The following PPP1R14C variants were observed in gnomAD, a reference collection of about 807,000 sequenced individuals.
The protein encoded by PPP1R14C is protein phosphatase 1 regulatory inhibitor subunit 14C, also known as protein phosphatase 1 regulatory subunit 14C.
Under a neutral mutation model 20.4 loss-of-function variants are expected in PPP1R14C, and 16 were observed. That is an observed-to-expected ratio of 0.78 (90% CI 0.53 to 1.19). The LOEUF is 1.19. Ranked by LOEUF, PPP1R14C falls within the 50% of genes most tolerant of loss-of-function variation. The probability of loss-of-function intolerance (pLI) is 0.00; values close to 1 mark genes in which losing one functional copy is unlikely to be tolerated. For synonymous variants in PPP1R14C, 91 were observed against 91.0 expected (o/e 1.00, Z 0.00); for missense variants, 211 against 220.1 (o/e 0.96, Z 0.26).
intron 1 of PPP1R14C, among the ~76,000 whole-genome samples, chr6:150,210,701 A>C (rs1778013660): frequency 6.6e-6 from 1 of 151,782 alleles, no homozygotes; most frequent in African/African-American, 2.4e-5. Flanking sequence ...ACATTAAAAA[A>C]CTCTATTTTC....
intron 1 of PPP1R14C, among the ~76,000 whole-genome samples, chr6:150,171,079 CGAT>C (rs1315536236): frequency 2.0e-5 from 3 of 152,030 alleles, no homozygotes; most frequent in South Asian, 4.2e-4. Flanking sequence ...TGGTCACAAT[CGAT>C]GAACCTACGT....
intron 1 of PPP1R14C, among the ~76,000 whole-genome samples, chr6:150,190,723 C>G (rs946864927): frequency 6.6e-6 from 1 of 152,148 alleles, no homozygotes; most frequent in Non-Finnish European, 1.5e-5. Context: ...CCACACCCAG[C>G]GTATTTTGCA....
In PPP1R14C at chr6:150,170,385, C is replaced by T. The variant is rs146861325; in HGVS notation, c.306+26887C>T. The stretch of plus-strand genomic sequence containing the variant: ...TCTCCCAGGCTGGAGTGCAGTGGCG[C>T]GATCTTGGCTCACTGCAAGCTCTGC... On this transcript the variant is annotated intron_variant, in intron 1 of 3. Transcript: ENST00000361131. Among the ~76,000 whole-genome samples, 743 of 150,852 alleles carry T rather than the reference C, an allele frequency of 4.9e-3. 4 individuals carry two copies. The highest frequency in any genetic ancestry group is 0.017 in the African/African-American group (704 of 41,050).
intron 3 of PPP1R14C, among the ~76,000 whole-genome samples, chr6:150,242,444 T>C (rs549496457): frequency 1.6e-5 from 2 of 123,030 alleles, no homozygotes; most frequent in South Asian, 2.6e-4. Flanking sequence ...TTCACCACTT[T>C]AAAAAACTAG....
In PPP1R14C at chr6:150,213,767, G is replaced by A. The variant is rs148196059; in HGVS notation, c.307-977G>A. 2.0e-3 allele frequency among the ~76,000 whole-genome samples: 303 copies of A among 152,308 alleles called. 2 individuals carry two copies. Among genetic ancestry groups the A allele is most frequent in the African/African-American group, 7.1e-3 (297 of 41,566 alleles). On this transcript the variant is annotated intron_variant, in intron 1 of 3. Coordinates refer to ENST00000361131, the MANE Select transcript of PPP1R14C (RefSeq NM_030949.3). ...GAAGTTCAGATTCCAAATCAGTGGGGTCTTTCACCAAATCCATCTGGCCCT... is the reference window on the plus strand; with the variant it reads ...GAAGTTCAGATTCCAAATCAGTGGGATCTTTCACCAAATCCATCTGGCCCT...
chr6:150,171,195 C>G (rs1052771110), intron 1 of PPP1R14C, among the ~76,000 whole-genome samples: 1 of 152,150 alleles, frequency 6.6e-6, no homozygotes, highest in African/African-American at 2.4e-5. Context: ...ATGTACCCAC[C>G]ATGGTAGTTT....
At chr6:150,183,037 G>A (rs921892406) in intron 1 of PPP1R14C, among the ~76,000 whole-genome samples, 1 of 152,196 alleles carries the variant, frequency 6.6e-6, no homozygotes, top group Admixed American at 6.5e-5. Context: ...GACCACTGCT[G>A]TATATGTGGT....
At chr6:150,221,075 A>G (rs1778161319) in intron 3 of PPP1R14C, among the ~76,000 whole-genome samples, 1 of 152,214 alleles carries the variant, frequency 6.6e-6, no homozygotes, top group Non-Finnish European at 1.5e-5. Context: ...CTTATCTGTT[A>G]ACGGGTCATT....
intron 3 of PPP1R14C, among the ~76,000 whole-genome samples, chr6:150,240,966 G>A (rs1244456190): frequency 2.0e-5 from 3 of 152,020 alleles, no homozygotes; most frequent in African/African-American, 4.8e-5. Flanking sequence ...ATCTTTGACC[G>A]CAGTTCTTGA....
chr6:150,203,697 G>A (rs546609438), intron 1 of PPP1R14C, among the ~76,000 whole-genome samples: 2 of 152,346 alleles, frequency 1.3e-5, no homozygotes, highest in South Asian at 2.1e-4. Flanking sequence ...TTCTCTCCAA[G>A]AATTGGCTAG....
At chr6:150,203,684 G>A (rs1255674820) in intron 1 of PPP1R14C, among the ~76,000 whole-genome samples, 5 of 152,094 alleles carry the variant, frequency 3.3e-5, no homozygotes, top group Non-Finnish European at 7.4e-5. Flanking sequence ...CAGGGGAACC[G>A]TCTTCTCTCC....
At chr6:150,186,002 A>G (rs1246304241) in intron 1 of PPP1R14C, among the ~76,000 whole-genome samples, 1 of 152,114 alleles carries the variant, frequency 6.6e-6, no homozygotes, top group Non-Finnish European at 1.5e-5. Context: ...CCAACTTCAG[A>G]GGGGCAGCAA....
intron 3 of PPP1R14C, among the ~76,000 whole-genome samples, chr6:150,223,487 C>T (rs1022602865): frequency 2.6e-5 from 4 of 152,190 alleles, no homozygotes; most frequent in African/African-American, 4.8e-5. Flanking sequence ...TCTTGTTGCT[C>T]CACATCCTCA....
chr6:150,170,600 G>A (rs925923611), intron 1 of PPP1R14C, among the ~76,000 whole-genome samples: 2 of 152,108 alleles, frequency 1.3e-5, no homozygotes, highest in Non-Finnish European at 2.9e-5. Flanking sequence ...GGAATTACAG[G>A]CGTGAGCCAC....
intron 1 of PPP1R14C, among the ~76,000 whole-genome samples, chr6:150,199,330 A>C (rs1035963279): frequency 1.3e-5 from 2 of 152,180 alleles, no homozygotes; most frequent in African/African-American, 2.4e-5. Context: ...GGCTAAAATG[A>C]TAATATTAAG....
At position 150,201,553 on chromosome 6, in the gene PPP1R14C, G is replaced by A. The variant is rs73782244; in HGVS notation, c.307-13191G>A. On this transcript the variant is annotated intron_variant, in intron 1 of 3. Coordinates refer to ENST00000361131, the MANE Select transcript of PPP1R14C (RefSeq NM_030949.3). The surrounding 1 kb of genome is among the most constrained non-coding windows in gnomAD (Gnocchi z 4.2). ...GCATTGAATGGAGAGGAGGCCGGGA[G>A]CCCAGCAGGGGAAGCCTTCCAGGCA... 0.011 allele frequency among the ~76,000 whole-genome samples: 1,663 copies of A among 152,256 alleles called. 36 individuals are homozygous for A. Among genetic ancestry groups the A allele is most frequent in the African/African-American group, 0.039 (1,601 of 41,544 alleles).
At chr6:150,209,452 G>C (rs566722368) in intron 1 of PPP1R14C, among the ~76,000 whole-genome samples, 8 of 152,300 alleles carry the variant, frequency 5.3e-5, no homozygotes, top group Admixed American at 3.9e-4. Flanking sequence ...GTGTATGTGT[G>C]CATGTGAGTG....
At chr6:150,157,251 A>T (rs923252948) in intron 1 of PPP1R14C, among the ~76,000 whole-genome samples, 1 of 152,322 alleles carries the variant, frequency 6.6e-6, no homozygotes, top group Middle Eastern at 3.4e-3. Context: ...AACTCCGAGG[A>T]TGTGAGAGAG....
chr6:150,159,141 T>C (rs1777336814), intron 1 of PPP1R14C, among the ~76,000 whole-genome samples: 1 of 152,208 alleles, frequency 6.6e-6, no homozygotes. Context: ...TTCCACCTGC[T>C]CAGGGGCTGA....
Sources: allele counts gnomAD v4.1 joint callset (sites outside exome capture counted in the v4.1 genomes callset), GRCh38; gene constraint gnomAD v4.1.1; non-coding constraint Gnocchi (gnomAD v3.1); transcripts MANE v1.5; gene names NCBI Gene and HGNC (gene_info 2026-07-23, HGNC 2026-07-21).